Variants in STXBP3 observed in about 807,000 individuals in gnomAD.
STXBP3 encodes syntaxin binding protein 3.
A neutral mutation model predicts 85.7 loss-of-function variants in STXBP3; 41 were observed. That is an observed-to-expected ratio of 0.48 (90% CI 0.37 to 0.62). The LOEUF (loss-of-function observed/expected upper bound fraction) is 0.62. STXBP3 is among the 20% of genes least tolerant of loss of function. The pLI is 0.00. For missense variants in STXBP3, 563 were observed against 703.1 expected (o/e 0.80, Z 2.25); for synonymous variants, 229 against 231.7 (o/e 0.99, Z 0.10).
chr1:108,798,966 C>T (rs976218504), intron 16 of STXBP3, among the ~76,000 whole-genome samples: 11 of 152,092 alleles, frequency 7.2e-5, no homozygotes, highest in African/African-American at 2.7e-4. Flanking sequence ...AGTTTGCTGT[C>T]AGATGAATCA....
rs556159178 is a variant in STXBP3 at position 108,809,133 on chromosome 1, A to G, written c.*256A>G. ...AAGGAAATTTTTTCACCTTTGGAGGAGAATATATTAGAGTTGTGGGTAATT... is the reference window on the plus strand; with the variant it reads ...AAGGAAATTTTTTCACCTTTGGAGGGGAATATATTAGAGTTGTGGGTAATT... On this transcript the variant is annotated 3_prime_UTR_variant, in exon 19 of 19. Transcript: ENST00000370008. 5.1e-4 allele frequency: 167 copies of G among 326,436 alleles called. 2 individuals are homozygous for G. The South Asian group carries it at 6.2e-3, about 12-fold the overall frequency. The allele number at this position is 326,436 out of a possible 1,614,324, so 20.2% of individuals were successfully genotyped here.
intron 9 of STXBP3, chr1:108,781,834 G>C (rs371090687): frequency 6.6e-6 from 1 of 152,262 alleles, no homozygotes; most frequent in African/African-American, 2.4e-5. Flanking sequence ...TCAGCCTCCA[G>C]AGTAACTGGG....
intron 15 of STXBP3, among the ~76,000 whole-genome samples, chr1:108,797,348 AAAC>A (rs1161107811): frequency 1.3e-5 from 2 of 151,688 alleles, no homozygotes; most frequent in East Asian, 3.9e-4. Flanking sequence ...TCAAAAAAAA[AAAC>A]AAAAAAAAAA....
In STXBP3 at chr1:108,809,001, TTTC is replaced by T; in HGVS notation, c.*127_*129del. 1 of 642,934 alleles carries T rather than the reference TTTC, an allele frequency of 1.6e-6. No individual in the cohort carries two copies. Among genetic ancestry groups the T allele is most frequent in the Non-Finnish European group, 2.6e-6 (1 of 383,334 alleles). The allele number at this position is 642,934 out of a possible 1,614,324, so 39.8% of individuals were successfully genotyped here. A position where few individuals can be genotyped will look rare whatever the true frequency, so the allele number is the denominator to read the frequency against. ...ATGGAATAATGGCTTTTCAAATACA[TTTC>T]TTAAGGAACTGTTTATGATTATTAC... On this transcript the variant is annotated 3_prime_UTR_variant, in exon 19 of 19. Transcript: ENST00000370008.
intron 9 of STXBP3, 108 bp downstream of exon 9, chr1:108,779,518 T>G: frequency 8.6e-7 from 1 of 1,166,726 alleles, no homozygotes; most frequent in Non-Finnish European, 1.2e-6. Flanking sequence ...TATAACCTTT[T>G]CTATTCAGAG....
intron 17 of STXBP3, among the ~76,000 whole-genome samples, chr1:108,803,564 C>T (rs1663273304): frequency 1.3e-5 from 2 of 152,290 alleles, no homozygotes; most frequent in Admixed American, 1.3e-4. Context: ...TCTCGGCTCA[C>T]TACAACCTGT....
intron 7 of STXBP3, among the ~76,000 whole-genome samples, chr1:108,774,469 C>CT (rs1272971155): frequency 1.3e-5 from 2 of 151,984 alleles, no homozygotes; most frequent in Non-Finnish European, 2.9e-5. Flanking sequence ...TCATGTAGTA[C>CT]TTTAAGTCAC....
intron 6 of STXBP3, among the ~76,000 whole-genome samples, chr1:108,770,512 A>G (rs907476771): frequency 1.3e-5 from 2 of 152,168 alleles, no homozygotes; most frequent in Non-Finnish European, 1.5e-5. Context: ...CAGGAAAGAG[A>G]TAAGTGGATG....
intron 17 of STXBP3, among the ~76,000 whole-genome samples, chr1:108,807,016 G>T (rs769889064): frequency 6.6e-6 from 1 of 152,276 alleles, no homozygotes; most frequent in Non-Finnish European, 1.5e-5. Flanking sequence ...CACTTTGGGA[G>T]GCCAAGGTAG....
intron 8 of STXBP3, among the ~76,000 whole-genome samples, chr1:108,778,150 T>C (rs1006711682): frequency 5.3e-5 from 8 of 152,152 alleles, no homozygotes; most frequent in Non-Finnish European, 7.4e-5. Flanking sequence ...TTTAATTAAA[T>C]TAATGTGCTT....
At chr1:108,790,418 A>G (rs1157456381) in intron 11 of STXBP3, among the ~76,000 whole-genome samples, 1 of 152,056 alleles carries the variant, frequency 6.6e-6, no homozygotes, top group Non-Finnish European at 1.5e-5. Flanking sequence ...GTGTTTACAT[A>G]GTATATCTTT....
chr1:108,769,234 G>T (rs1767019), intron 6 of STXBP3, among the ~76,000 whole-genome samples: 110,450 of 152,002 alleles, frequency 0.73, 41,165 homozygotes, highest in African/African-American at 0.78. Context: ...TCTTGTCATT[G>T]TCAAGTTGAG....
In STXBP3 at chr1:108,776,435, A is replaced by C. The variant is rs1421868603; in HGVS notation, c.684+12A>C. 5.1e-6 allele frequency: 8 copies of C among 1,577,894 alleles called. No individual in the cohort carries two copies. The highest frequency in any genetic ancestry group is 6.0e-6 in the Non-Finnish European group (7 of 1,157,386). On this transcript the variant is annotated intron_variant, in intron 8 of 18. Transcript: ENST00000370008. ...AGAGCCTAATAAAGGTAATGTATGC[A>C]AGGCAAGTAATGACTATGCATAAAG... is the stretch of plus-strand genomic sequence containing the variant.
In STXBP3 at chr1:108,772,182, A is replaced by G. The variant is rs1284162026; in HGVS notation, c.439-483A>G. 4.1e-4 allele frequency among the ~76,000 whole-genome samples: 39 copies of G among 94,664 alleles called. 1 individual carries two copies. The highest frequency in any genetic ancestry group is 6.9e-4 in the Non-Finnish European group (31 of 44,664). The allele number at this position is 94,664 out of a possible 152,430, so 62.1% of individuals were successfully genotyped here. ...ATAAATACATATGATATCTATCTAT[A>G]TATCATATATAAATACATGATATCT... On this transcript the variant is annotated intron_variant, in intron 6 of 18. Transcript: ENST00000370008.
chr1:108,762,911 A>G (rs1034440772), intron 6 of STXBP3, among the ~76,000 whole-genome samples: 3 of 152,240 alleles, frequency 2.0e-5, no homozygotes, highest in Non-Finnish European at 4.4e-5. Context: ...ATTTTTAAAT[A>G]GCTGAAATAT....
chr1:108,750,422 A>G (rs992122062), intron 1 of STXBP3, among the ~76,000 whole-genome samples: 6 of 152,200 alleles, frequency 3.9e-5, no homozygotes, highest in African/African-American at 1.4e-4. Flanking sequence ...CAAACAATAT[A>G]TAATTATCTC....
At chr1:108,808,587 TACTG>T (rs1663390627) in intron 18 of STXBP3, among the ~76,000 whole-genome samples, 192 bp from the exon 19 acceptor site, 1 of 152,260 alleles carries the variant, frequency 6.6e-6, no homozygotes, top group Non-Finnish European at 1.5e-5. Context: ...TCTGAAAAGT[TACTG>T]AACATGCTCA....
chr1:108,794,086 C>T (rs142744365), intron 12 of STXBP3, among the ~76,000 whole-genome samples: 279 of 152,268 alleles, frequency 1.8e-3, no homozygotes, highest in Non-Finnish European at 3.2e-3. Context: ...TCATGTTGCA[C>T]CCTAGTCAAC....
rs1663362848 is a variant in STXBP3, at chr1:108,807,393, CT to C, written c.1536-3del. On this transcript the variant is annotated splice_polypyrimidine_tract_variant and splice_region_variant and intron_variant, in intron 17 of 18. Coordinates refer to ENST00000370008, the MANE Select transcript of STXBP3 (RefSeq NM_007269.4). ...TGTTTACTTTTTTTTTTTTAAATTA[CT>C]TTTTAGTGCTCGCCAGAAACCCAGA... 5.7e-6 allele frequency: 9 copies of C among 1,566,518 alleles called. No individual in the cohort carries two copies. Among genetic ancestry groups the C allele is most frequent in the South Asian group, 2.3e-5 (2 of 85,134 alleles).
Sources: allele counts gnomAD v4.1 joint callset (sites outside exome capture counted in the v4.1 genomes callset), GRCh38; gene constraint gnomAD v4.1.1; transcripts MANE v1.5; gene names NCBI Gene and HGNC (gene_info 2026-07-23, HGNC 2026-07-21).